Variants in SLC38A6 observed in about 807,000 individuals in gnomAD.
The protein encoded by SLC38A6 is solute carrier family 38 member 6.
In SLC38A6, 73 loss-of-function variants were observed where a neutral mutation model predicts 65.0. That is an observed-to-expected ratio of 1.12 (90% CI 0.93 to 1.37). The LOEUF is 1.37. SLC38A6 is among the 40% of genes most tolerant of loss of function. The pLI is 0.00. For missense variants in SLC38A6, 561 were observed against 531.1 expected (o/e 1.06, Z -0.55); for synonymous variants, 183 against 178.8 (o/e 1.02, Z -0.19).
At chr14:61,050,142 A>G (rs914719042) in intron 12 of SLC38A6, among the ~76,000 whole-genome samples, 8 of 152,158 alleles carry the variant, frequency 5.3e-5, no homozygotes, top group Non-Finnish European at 1.2e-4. Context: ...TTTTGGACCT[A>G]CCTGCGTATT....
At chr14:61,028,427 G>A (rs1433040530) in intron 5 of SLC38A6, among the ~76,000 whole-genome samples, 1 of 152,038 alleles carries the variant, frequency 6.6e-6, no homozygotes, top group Non-Finnish European at 1.5e-5. Context: ...AGAAAATTCA[G>A]TTCACAATTT....
intron 10 of SLC38A6, 74 bp from the exon 11 acceptor site, chr14:61,045,272 G>A: frequency 1.1e-6 from 1 of 945,942 alleles, no homozygotes; most frequent in Non-Finnish European, 1.7e-6. Context: ...AAAGAACTGA[G>A]TTTGTTGTCA....
intron 3 of SLC38A6, among the ~76,000 whole-genome samples, chr14:60,997,337 A>C (rs2038367347): frequency 6.6e-6 from 1 of 152,110 alleles, no homozygotes; most frequent in South Asian, 2.1e-4. Context: ...CTTTTTGTAG[A>C]GATGGGGTTT....
In SLC38A6 at chr14:61,015,942, G is replaced by A. The variant is rs1213428081; in HGVS notation, c.349G>A (p.Gly117Arg). The A allele has an allele frequency of 6.2e-7, 1 of 1,606,568 alleles. No homozygotes were observed. Among genetic ancestry groups the A allele is most frequent in the South Asian group, 1.1e-5 (1 of 89,064 alleles). The change falls in exon 4 of 16, where the codon GGA (glycine) becomes AGA (arginine). Residue 117 changes from glycine to arginine, a missense_variant. Transcript: ENST00000267488. ...SYEDLGLFAF[G>R]LPGKLVVAGT... ...TGAAGATCTTGGACTCTTTGCATTT[G>A]GATTACCTGGAAAGGTAATTTTTTT...
intron 3 of SLC38A6, among the ~76,000 whole-genome samples, chr14:61,013,916 T>C (rs1021775325): frequency 6.6e-6 from 1 of 152,234 alleles, no homozygotes; most frequent in Admixed American, 6.5e-5. Flanking sequence ...ATTTCCTGAA[T>C]GTGAATGTTG....
At chr14:61,014,117 G>A (rs895902571) in intron 3 of SLC38A6, among the ~76,000 whole-genome samples, 9 of 151,806 alleles carry the variant, frequency 5.9e-5, no homozygotes, top group Admixed American at 2.6e-4. Context: ...TTCTCTTCTC[G>A]CTTCATTTCA....
intron 1 of SLC38A6, chr14:60,982,226 A>T: frequency 2.0e-6 from 1 of 498,232 alleles, no homozygotes; most frequent in Non-Finnish European, 3.9e-6. Flanking sequence ...TCCTATCTTC[A>T]TCTCTTGCAG....
intron 3 of SLC38A6, among the ~76,000 whole-genome samples, chr14:61,006,993 A>G (rs1343394752): frequency 1.3e-5 from 2 of 152,250 alleles, no homozygotes; most frequent in Non-Finnish European, 2.9e-5. Flanking sequence ...CTATGCAGCC[A>G]TAAAAAATGA....
rs72723947 is a variant in SLC38A6, at chr14:61,063,205, A to G, written c.1290+11070A>G. On this transcript the variant is annotated intron_variant, in intron 15 of 16. Coordinates refer to the SLC38A6 transcript ENST00000354886. ...ATTTTGTTAGCATCAGTCACTAATAACAAAACTGAGATTGTTCTACTTGGT... is the reference window on the plus strand; with the variant it reads ...ATTTTGTTAGCATCAGTCACTAATAGCAAAACTGAGATTGTTCTACTTGGT... 2.2e-3 allele frequency among the ~76,000 whole-genome samples: 338 copies of G among 152,280 alleles called. 2 individuals carry two copies. Among genetic ancestry groups the G allele is most frequent in the Non-Finnish European group, 3.8e-3 (256 of 68,026 alleles).
At chr14:61,044,369 A>G (rs140682610) in intron 10 of SLC38A6, among the ~76,000 whole-genome samples, 1 of 152,344 alleles carries the variant, frequency 6.6e-6, no homozygotes, top group African/African-American at 2.4e-5. Context: ...TTTACATGGT[A>G]AAGACCTCCA....
intron 3 of SLC38A6, among the ~76,000 whole-genome samples, chr14:61,005,776 C>G (rs2039063328): frequency 6.6e-6 from 1 of 151,882 alleles, no homozygotes; most frequent in Non-Finnish European, 1.5e-5. Context: ...TTTATAGATT[C>G]AATGCCATCC....
intron 3 of SLC38A6, among the ~76,000 whole-genome samples, chr14:61,005,897 T>G (rs1252082868): frequency 6.6e-6 from 1 of 152,140 alleles, no homozygotes; most frequent in Non-Finnish European, 1.5e-5. Flanking sequence ...AGAACAAAGC[T>G]GGAGGCATCA....
At chr14:61,074,377 C>T (rs2043328129) in intron 15 of SLC38A6, among the ~76,000 whole-genome samples, 1 of 152,216 alleles carries the variant, frequency 6.6e-6, no homozygotes, top group African/African-American at 2.4e-5. Context: ...GCTCTGGAAG[C>T]TGGGAAGTCC....
At chr14:60,982,319 C>T in intron 1 of SLC38A6, 189 bp from the exon 2 acceptor site, 2 of 693,672 alleles carry the variant, frequency 2.9e-6, no homozygotes, top group East Asian at 3.1e-5. Context: ...ACCCTAGATT[C>T]CTGGAGCTGC....
chr14:61,001,508 T>C (rs1476112174), intron 3 of SLC38A6, among the ~76,000 whole-genome samples: 2 of 152,252 alleles, frequency 1.3e-5, no homozygotes, highest in East Asian at 3.8e-4. Context: ...AAAAGTAATA[T>C]ATGGTTACAT....
chr14:61,016,058 G>A, intron 4 of SLC38A6, 102 bp downstream of exon 4: 3 of 741,644 alleles, frequency 4.0e-6, no homozygotes, highest in Admixed American at 2.9e-5. Context: ...AGACATTAGA[G>A]GAATAAAAGG....
chr14:61,083,021 C>G (rs1448854873), intron 16 of SLC38A6, among the ~76,000 whole-genome samples: 1 of 152,226 alleles, frequency 6.6e-6, no homozygotes, highest in Non-Finnish European at 1.5e-5. Context: ...ATCACCATCA[C>G]TTCAGAGCAG....
chr14:61,071,075 TTA>T (rs2043211166), intron 15 of SLC38A6, among the ~76,000 whole-genome samples: 1 of 152,182 alleles, frequency 6.6e-6, no homozygotes, highest in Non-Finnish European at 1.5e-5. Context: ...TGATTTAGCA[TTA>T]TGTTTTGGAG....
chr14:60,981,655 G>C (rs749563236), intron 1 of SLC38A6: 3 of 1,432,010 alleles, frequency 2.1e-6, no homozygotes, highest in African/African-American at 2.8e-5. Flanking sequence ...AACATGATGG[G>C]ATGAGCGGCC....
Sources: allele counts gnomAD v4.1 joint callset (sites outside exome capture counted in the v4.1 genomes callset), GRCh38; gene constraint gnomAD v4.1.1; transcripts MANE v1.5; gene names NCBI Gene and HGNC (gene_info 2026-07-23, HGNC 2026-07-21).